Variants in HTT-AS observed in about 807,000 individuals in gnomAD.
The protein encoded by HTT-AS is HTT antisense RNA.
chr4:3,055,139 G>T (rs939780118), intron 2 of HTT-AS, among the ~76,000 whole-genome samples: 1 of 151,854 alleles, frequency 6.6e-6, no homozygotes, highest in Non-Finnish European at 1.5e-5. Context: ...ACGAGGTCAG[G>T]AGATCGAGAC....
chr4:3,065,263 G>A (rs990289791), intron 1 of HTT-AS, among the ~76,000 whole-genome samples: 27 of 150,880 alleles, frequency 1.8e-4, no homozygotes, highest in Middle Eastern at 3.2e-3. Flanking sequence ...TTTTTGAGAC[G>A]GAGTCTTGCT....
intron 2 of HTT-AS, among the ~76,000 whole-genome samples, chr4:3,060,437 C>T (rs1260709778): frequency 3.3e-5 from 5 of 152,116 alleles, no homozygotes; most frequent in African/African-American, 4.8e-5. Flanking sequence ...TCTGAAACCC[C>T]AAAATTTGAG....
At chr4:3,070,249 T>A (rs2110125315) in intron 1 of HTT-AS, 1 of 151,580 alleles carries the variant, frequency 6.6e-6, no homozygotes, top group South Asian at 2.1e-4. Flanking sequence ...CCAGAGAGAG[T>A]CACTGCTATG....
In HTT-AS at chr4:3,050,999, T is replaced by A. The variant is rs115194948; in HGVS notation, n.1381-1301A>T. Among the ~76,000 whole-genome samples the A allele has an allele frequency of 2.5e-3, 383 of 151,672 alleles. 1 individual carries two copies. Among genetic ancestry groups the A allele is most frequent in the Middle Eastern group, 0.01 (3 of 294 alleles). ...TAACCAGTTTGACCATGAGGTGAGA[T>A]TCTTATAAACCTTTTATAATCCCTT... On this transcript the variant is annotated intron_variant and non_coding_transcript_variant, in intron 2 of 2. Coordinates refer to ENST00000664062, the Ensembl canonical transcript of HTT-AS.
At chr4:3,055,076 T>C (rs1711781552) in intron 2 of HTT-AS, among the ~76,000 whole-genome samples, 1 of 151,928 alleles carries the variant, frequency 6.6e-6, no homozygotes, top group South Asian at 2.1e-4. Flanking sequence ...TGGCCAGGTG[T>C]GGTGGCTCAC....
chr4:3,048,757 G>C (rs2515956), downstream of HTT-AS, among the ~76,000 whole-genome samples: 8,565 of 152,286 alleles, frequency 0.056, 364 homozygotes, highest in African/African-American at 0.12. Context: ...CTTTACAGTA[G>C]AGTCTGCTAT....
At chr4:3,054,583 T>C (rs1210433724) in intron 2 of HTT-AS, among the ~76,000 whole-genome samples, 1 of 152,104 alleles carries the variant, frequency 6.6e-6, no homozygotes, top group Non-Finnish European at 1.5e-5. Context: ...TTTGAGCAAA[T>C]TGTAGGTTTG....
At chr4:3,066,763 G>A (rs1435237491) in intron 1 of HTT-AS, among the ~76,000 whole-genome samples, 1 of 152,198 alleles carries the variant, frequency 6.6e-6, no homozygotes, top group Non-Finnish European at 1.5e-5. Flanking sequence ...TCCGGAAGAA[G>A]ATAATACCTT....
intron 2 of HTT-AS, among the ~76,000 whole-genome samples, chr4:3,055,613 T>A (rs1711791525): frequency 6.6e-6 from 1 of 152,238 alleles, no homozygotes; most frequent in Non-Finnish European, 1.5e-5. Flanking sequence ...TCACCATTTC[T>A]GTAAGACTTC....
chr4:3,050,165 G>A (rs1711677816), intron 2 of HTT-AS, among the ~76,000 whole-genome samples: 2 of 152,280 alleles, frequency 1.3e-5, no homozygotes, highest in South Asian at 4.1e-4. Flanking sequence ...TTCTCCGTGA[G>A]TCCATACTTA....
At chr4:3,069,775 T>C (rs1578470937) in intron 1 of HTT-AS, among the ~76,000 whole-genome samples, 1 of 152,162 alleles carries the variant, frequency 6.6e-6, no homozygotes, top group Non-Finnish European at 1.5e-5. Flanking sequence ...CCCGTGCTCT[T>C]TACCAGCTCC....
At chr4:3,072,746 G>A (rs111670395) in intron 1 of HTT-AS, among the ~76,000 whole-genome samples, 10,157 of 152,204 alleles carry the variant, frequency 0.067, 431 homozygotes, top group African/African-American at 0.12. Flanking sequence ...TTCTGCCTCA[G>A]CCTCCGGAAT....
At chr4:3,061,955 C>T (rs1711934032) in intron 2 of HTT-AS, among the ~76,000 whole-genome samples, 2 of 146,470 alleles carry the variant, frequency 1.4e-5, no homozygotes, top group Non-Finnish European at 3.0e-5. Context: ...GCACTCCAGC[C>T]CGGACGACAG....
At chr4:3,057,577 C>G (rs1711831184) in intron 2 of HTT-AS, among the ~76,000 whole-genome samples, 1 of 152,182 alleles carries the variant, frequency 6.6e-6, no homozygotes, top group Non-Finnish European at 1.5e-5. Flanking sequence ...AATGGCTACT[C>G]CATGGGCAGA....
chr4:3,064,303 C>T (rs1226523745), intron 1 of HTT-AS, among the ~76,000 whole-genome samples: 1 of 151,962 alleles, frequency 6.6e-6, no homozygotes, highest in Non-Finnish European at 1.5e-5. Context: ...ACCATATTAA[C>T]CAGGCTGGCC....
At chr4:3,074,612 T>TGGCCCCTCCTCCGCCGGCGC, upstream of HTT-AS, 1 of 424,802 alleles carries the variant, frequency 2.4e-6, no homozygotes, top group East Asian at 5.7e-5. Context: ...CTGGCCGGCG[T>TGGCCCCTCCTCCGCCGGCGC]GGCCCCGCCT....
chr4:3,048,907 G>A (rs61321259), downstream of HTT-AS, among the ~76,000 whole-genome samples: 5,308 of 152,212 alleles, frequency 0.035, 109 homozygotes, highest in African/African-American at 0.055. Context: ...GGAGTGAACC[G>A]ATATTCTGTT....
chr4:3,064,841 C>T (rs957568876), intron 1 of HTT-AS, among the ~76,000 whole-genome samples: 1 of 151,780 alleles, frequency 6.6e-6, no homozygotes, highest in Admixed American at 6.6e-5. Context: ...CTTATAAAGA[C>T]CTTATACAAA....
chr4:3,051,826 A>G (rs1711709106), intron 2 of HTT-AS, among the ~76,000 whole-genome samples: 1 of 151,992 alleles, frequency 6.6e-6, no homozygotes, highest in Non-Finnish European at 1.5e-5. Flanking sequence ...AAAACCCCAT[A>G]AGCTTGCTCG....
Sources: allele counts gnomAD v4.1 joint callset (sites outside exome capture counted in the v4.1 genomes callset), GRCh38; gene constraint gnomAD v4.1.1; transcripts MANE v1.5; gene names NCBI Gene and HGNC (gene_info 2026-07-23, HGNC 2026-07-21).